The following XYLT1 variants were observed in gnomAD, a reference collection of about 807,000 sequenced individuals.
XYLT1 encodes the protein xylosyltransferase 1.
XYLT1 carries 36 observed loss-of-function variants against 91.3 expected under a neutral mutation model. The ratio of observed to expected loss-of-function variants is 0.39; its 90% CI spans 0.30 to 0.52. The LOEUF is 0.52. Ranked by LOEUF, XYLT1 falls within the 20% of genes least tolerant of loss-of-function variation. The pLI is 0.68. For missense variants in XYLT1, 1,242 were observed against 1,284.5 expected (o/e 0.97, Z 0.51); for synonymous variants, 588 against 532.0 (o/e 1.11, Z -1.45).
chr16:17,332,879 C>T (rs1339099203), intron 2 of XYLT1, among the ~76,000 whole-genome samples: 2 of 152,038 alleles, frequency 1.3e-5, no homozygotes, highest in South Asian at 2.1e-4. Context: ...CTGCAACCTC[C>T]GCCTTTCCGT....
chr16:17,221,678 G>A lies in XYLT1; in HGVS notation c.914-21024C>T, dbSNP rs116102461. On this transcript the variant is annotated intron_variant, in intron 3 of 11. Coordinates refer to ENST00000261381, the MANE Select transcript of XYLT1 (RefSeq NM_022166.4). ...CGCTTGAGCCTGGGAGGTTAAGGCT[G>A]CAGTGAGCTATGATCACGCCACTGT... Among the ~76,000 whole-genome samples the A allele has an allele frequency of 7.8e-3, 1,186 of 152,278 alleles. 19 individuals are homozygous for A. Among genetic ancestry groups the A allele is most frequent in the African/African-American group, 0.027 (1,103 of 41,534 alleles).
chr16:17,352,530 A>T (rs1372024848), intron 2 of XYLT1, among the ~76,000 whole-genome samples: 1 of 152,220 alleles, frequency 6.6e-6, no homozygotes, highest in Non-Finnish European at 1.5e-5. Flanking sequence ...TTTTATAGGA[A>T]CCCAGACATA....
At chr16:17,273,950 C>T (rs756695766) in intron 2 of XYLT1, among the ~76,000 whole-genome samples, 3 of 151,830 alleles carry the variant, frequency 2.0e-5, no homozygotes, top group South Asian at 2.1e-4. Flanking sequence ...CTCGATCTGT[C>T]GTCCAGGCTG....
At chr16:17,454,498 G>T (rs912521559) in intron 1 of XYLT1, among the ~76,000 whole-genome samples, 3 of 151,972 alleles carry the variant, frequency 2.0e-5, no homozygotes, top group Non-Finnish European at 2.9e-5. Context: ...AAATGAAATG[G>T]ACATGGCTGT....
At chr16:17,285,759 T>G (rs1488615346) in intron 2 of XYLT1, among the ~76,000 whole-genome samples, 1 of 152,096 alleles carries the variant, frequency 6.6e-6, no homozygotes, top group African/African-American at 2.4e-5. Flanking sequence ...TACAGAACTT[T>G]CCACCTGAAT....
intron 5 of XYLT1, among the ~76,000 whole-genome samples, chr16:17,175,371 T>G (rs946301331): frequency 1.3e-5 from 2 of 152,188 alleles, no homozygotes; most frequent in Admixed American, 6.5e-5. Flanking sequence ...CTGAGGCACT[T>G]GTTACATATC....
rs940865507 is a variant in XYLT1 at position 17,372,968 on chromosome 16, C to T, written c.364-14918G>A. ...AGGACTAACAACAAACATCTGTTTT[C>T]TAACACGTTCTTGACCTCACATGTA... On this transcript the variant is annotated intron_variant, in intron 1 of 11. Transcript: ENST00000261381. Among the ~76,000 whole-genome samples, 5 of 152,236 alleles carry T rather than the reference C, an allele frequency of 3.3e-5. No homozygotes were observed. In the East Asian group the frequency reaches 9.6e-4, roughly 29 times the overall value.
chr16:17,398,786 C>T (rs1452969263), intron 1 of XYLT1, among the ~76,000 whole-genome samples: 1 of 149,084 alleles, frequency 6.7e-6, no homozygotes, highest in Non-Finnish European at 1.5e-5. Context: ...AAAGTGTCCT[C>T]CCTGTGTGCA....
intron 1 of XYLT1, among the ~76,000 whole-genome samples, chr16:17,444,310 C>G (rs1393759771): frequency 6.6e-6 from 1 of 152,148 alleles, no homozygotes; most frequent in African/African-American, 2.4e-5. Context: ...ACCCTCAGTA[C>G]TGGAGTATAG....
chr16:17,304,017 A>G lies in XYLT1; in HGVS notation c.403-44519T>C, dbSNP rs79898478. Among the ~76,000 whole-genome samples the G allele has an allele frequency of 2.1e-3, 315 of 151,374 alleles. 1 individual carries two copies. The highest frequency in any genetic ancestry group is 7.1e-3 in the African/African-American group (291 of 40,742). ...CATGTGCGTGTGTGTGTGTGTGTGT[A>G]CAGGTGCATGCAGATATATATGATA... is the stretch of plus-strand genomic sequence containing the variant. On this transcript the variant is annotated intron_variant, in intron 2 of 11. Transcript: ENST00000261381.
Position 17,470,777 on chromosome 16 carries a change from G to A in XYLT1, c.20C>T (p.Ala7Val), listed in dbSNP as rs1192382078. MVAAPC[A>V]RRLARRSHSA... ...GTGCGAGCGCCGGGCCAGCCTCCGG[G>A]CGCACGGCGCCGCCACCATCTTCGG... Residue 7 changes from alanine (A) to valine (V), a missense_variant, in exon 1 of 12, where the codon GCC becomes GTC. Physicochemically the swap from Ala to Val is moderately conservative, Grantham distance 64. Coordinates refer to ENST00000261381, the MANE Select transcript of XYLT1 (RefSeq NM_022166.4). The A allele has an allele frequency of 1.9e-6, 2 of 1,041,746 alleles. No homozygotes were observed. The highest frequency in any genetic ancestry group is 1.2e-6 in the Non-Finnish European group (1 of 864,618). The allele number at this position is 1,041,746 out of a possible 1,614,324, so 64.5% of individuals were successfully genotyped here. A position where few individuals can be genotyped will look rare whatever the true frequency, so the allele number is the denominator to read the frequency against.
intron 2 of XYLT1, among the ~76,000 whole-genome samples, chr16:17,270,386 A>C (rs72779616): frequency 0.13 from 20,226 of 151,976 alleles, 1,525 homozygotes; most frequent in African/African-American, 0.18. Flanking sequence ...CCTCTTCCCA[A>C]CCCCACCAGG....
At chr16:17,245,862 C>T (rs1567339688) in intron 3 of XYLT1, among the ~76,000 whole-genome samples, 1 of 152,202 alleles carries the variant, frequency 6.6e-6, no homozygotes, top group Non-Finnish European at 1.5e-5. Flanking sequence ...GAGGTAACCG[C>T]GGCTGGCTAT....
chr16:17,134,797 C>A, intron 8 of XYLT1, 62 bp from the exon 9 acceptor site: 3 of 1,587,182 alleles, frequency 1.9e-6, no homozygotes, highest in Non-Finnish European at 1.7e-6. Context: ...TTGGGGGGAA[C>A]CTAAGGGCAT....
At chr16:17,313,389 C>T (rs1036610553) in intron 2 of XYLT1, among the ~76,000 whole-genome samples, 46 of 152,344 alleles carry the variant, frequency 3.0e-4, no homozygotes, top group African/African-American at 1.0e-3. Context: ...AGGCCTCCCA[C>T]ACAAGCCAGC....
At chr16:17,457,080 A>G (rs1421039516) in intron 1 of XYLT1, among the ~76,000 whole-genome samples, 1 of 152,086 alleles carries the variant, frequency 6.6e-6, no homozygotes, top group Non-Finnish European at 1.5e-5. Flanking sequence ...CCCTCACTCA[A>G]ATGGTTACCT....
rs566384016 is a variant in XYLT1 at position 17,134,689 on chromosome 16, A to G, written c.1811T>C (p.Val604Ala). ...TFFARKFEAVVNQEIIGQLDY... is the reference protein window; with the variant it reads ...TFFARKFEAVANQEIIGQLDY... Reference sequence around the variant, plus strand: ...CAGCTGCCCAATGATTTCCTGATTCACCACGGCTTCAAACTTGCGGGCAAA... The same window carrying G: ...CAGCTGCCCAATGATTTCCTGATTCGCCACGGCTTCAAACTTGCGGGCAAA... Residue 604 changes from valine (V) to alanine (A), a missense_variant, in exon 9 of 12, where the codon GTG becomes GCG. Coordinates refer to ENST00000261381, the MANE Select transcript of XYLT1 (RefSeq NM_022166.4). The G allele has an allele frequency of 2.5e-6, 4 of 1,614,112 alleles. No homozygotes were observed. In the African/African-American group the frequency reaches 4.0e-5, roughly 16 times the overall value.
chr16:17,458,690 T>C (rs1162337662), intron 1 of XYLT1, among the ~76,000 whole-genome samples: 1 of 152,162 alleles, frequency 6.6e-6, no homozygotes, highest in Non-Finnish European at 1.5e-5. Flanking sequence ...TTGATCGTCA[T>C]TAACCAACCA....
chr16:17,391,604 C>A (rs762546742), intron 1 of XYLT1, among the ~76,000 whole-genome samples: 6 of 152,202 alleles, frequency 3.9e-5, no homozygotes, highest in Non-Finnish European at 8.8e-5. Flanking sequence ...CACCACTATG[C>A]TAACCCAAGT....
Sources: allele counts gnomAD v4.1 joint callset (sites outside exome capture counted in the v4.1 genomes callset), GRCh38; gene constraint gnomAD v4.1.1; transcripts MANE v1.5; gene names NCBI Gene and HGNC (gene_info 2026-07-23, HGNC 2026-07-21).